The following MICU3 variants were observed in gnomAD, a reference collection of about 807,000 sequenced individuals.
The protein encoded by MICU3 is mitochondrial calcium uptake 3.
In MICU3, 62 loss-of-function variants were observed where a neutral mutation model predicts 66.5. The observed-to-expected ratio is 0.93, with a 90% CI of 0.76 to 1.15. MICU3 has a LOEUF of 1.15. MICU3 is among the 50% of genes most tolerant of loss of function. MICU3 has a pLI of 0.00. For synonymous variants in MICU3, 308 were observed against 240.7 expected (o/e 1.28, Z -2.59); for missense variants, 779 against 664.4 (o/e 1.17, Z -1.90).
chr8:17,042,537 G>C (rs371715240), intron 1 of MICU3, among the ~76,000 whole-genome samples: 12 of 152,210 alleles, frequency 7.9e-5, no homozygotes, highest in Admixed American at 2.6e-4. Flanking sequence ...TTTATTCTCT[G>C]ATGTATTGAT....
chr8:17,048,563 A>G (rs1815503077), intron 1 of MICU3, among the ~76,000 whole-genome samples: 1 of 152,172 alleles, frequency 6.6e-6, no homozygotes, highest in Non-Finnish European at 1.5e-5. Context: ...TATGGGAGCT[A>G]CAATTCAAGA....
intron 11 of MICU3, among the ~76,000 whole-genome samples, chr8:17,110,495 A>G (rs1207274247): frequency 6.6e-6 from 1 of 151,918 alleles, no homozygotes; most frequent in Non-Finnish European, 1.5e-5. Flanking sequence ...CTAATATTTA[A>G]TTTCAGTGGA....
At chr8:17,047,438 G>C (rs1815275550) in intron 1 of MICU3, among the ~76,000 whole-genome samples, 1 of 152,148 alleles carries the variant, frequency 6.6e-6, no homozygotes, top group Non-Finnish European at 1.5e-5. Context: ...AATGAGAAAG[G>C]CAGTATCCCA....
chr8:17,085,356 A>G, intron 6 of MICU3, 38 bp downstream of exon 6: 1 of 1,282,744 alleles, frequency 7.8e-7, no homozygotes, highest in African/African-American at 1.5e-5. Flanking sequence ...CAATAATTAA[A>G]TATTGCTTAC....
In MICU3 at chr8:17,064,078, C is replaced by G. The variant is rs1361832186; in HGVS notation, c.382-6C>G. The G allele has an allele frequency of 2.5e-6, 4 of 1,605,246 alleles. No individual in the cohort carries two copies. Among genetic ancestry groups the G allele is most frequent in the Non-Finnish European group, 3.4e-6 (4 of 1,175,672 alleles). ...CATCCAAATGTATTTGCTTTCTTAA[C>G]TTTAGGTTGCTATTGGCAGAACAGA... On this transcript the variant is annotated splice_region_variant and splice_polypyrimidine_tract_variant and intron_variant, in intron 1 of 14. Transcript: ENST00000318063.
chr8:17,059,087 T>G (rs2689649), intron 1 of MICU3, among the ~76,000 whole-genome samples: 1 of 152,234 alleles, frequency 6.6e-6, no homozygotes, highest in Non-Finnish European at 1.5e-5. Context: ...TGTCATTTGT[T>G]GACATTAAAT....
intron 9 of MICU3, among the ~76,000 whole-genome samples, chr8:17,099,831 C>T (rs1325962890): frequency 6.6e-6 from 1 of 151,734 alleles, no homozygotes; most frequent in Admixed American, 6.6e-5. Flanking sequence ...TCATTGTTGT[C>T]TCTCCCCATA....
chr8:17,059,514 A>G (rs1002173331), intron 1 of MICU3, among the ~76,000 whole-genome samples: 7 of 152,214 alleles, frequency 4.6e-5, no homozygotes, highest in Admixed American at 1.3e-4. Context: ...CACTCTAGCA[A>G]TAAGGCAACG....
intron 2 of MICU3, among the ~76,000 whole-genome samples, chr8:17,066,867 A>G (rs1286898687): frequency 2.6e-5 from 4 of 151,888 alleles, no homozygotes; most frequent in African/African-American, 4.8e-5. Context: ...ATTTTGAAAA[A>G]TTTTACTTCA....
At chr8:17,136,164 A>C in the MICU3 span, among the ~76,000 whole-genome samples, 1 of 152,094 alleles carries the variant, frequency 6.6e-6, no homozygotes, top group Non-Finnish European at 1.5e-5. Context: ...GTAGGCTGGA[A>C]TATGGTTACA....
At chr8:17,081,465 T>G (rs1261637075) in intron 4 of MICU3, among the ~76,000 whole-genome samples, 12 of 152,120 alleles carry the variant, frequency 7.9e-5, no homozygotes, top group African/African-American at 2.2e-4. Flanking sequence ...TTGCTTTTTT[T>G]GCCAATATAT....
rs148788723 is a variant in MICU3 at position 17,064,164 on chromosome 8, T to C, written c.462T>C (p.Ser154=). The part of the protein sequence containing the change: ...SRERRFRLFA[S]IECEGQLFMT... ...AGAGGCGATTTCGTTTATTTGCTTC[T>C]ATAGAATGTGAAGGGCAGTTATTCA... is the stretch of plus-strand genomic sequence containing the variant. The change falls in exon 2 of 15, where the codon TCT becomes TCC. Residue 154 remains serine (S), a synonymous_variant. Transcript: ENST00000318063. 9.3e-6 allele frequency: 15 copies of C among 1,613,466 alleles called. No individual in the cohort carries two copies. In the Admixed American group the frequency reaches 1.8e-4, roughly 20 times the overall value.
the MICU3 span, among the ~76,000 whole-genome samples, chr8:17,135,395 CAAA>C: frequency 7.8e-6 from 1 of 128,468 alleles, no homozygotes; most frequent in African/African-American, 2.9e-5. Context: ...AAGACTGTCT[CAAA>C]AAAAAAAAAA....
chr8:17,103,450 A>C (rs1481654745), intron 9 of MICU3, among the ~76,000 whole-genome samples: 1 of 151,920 alleles, frequency 6.6e-6, no homozygotes, highest in Non-Finnish European at 1.5e-5. Context: ...ATTTTTCTTG[A>C]ATAAAAAATA....
chr8:17,093,844 T>G (rs909340900), intron 8 of MICU3, among the ~76,000 whole-genome samples: 1 of 151,964 alleles, frequency 6.6e-6, no homozygotes, highest in African/African-American at 2.4e-5. Context: ...TGATGAAGCT[T>G]TCCCTGATTT....
chr8:17,061,022 G>A (rs1563311997), intron 1 of MICU3, among the ~76,000 whole-genome samples: 1 of 152,096 alleles, frequency 6.6e-6, no homozygotes, highest in Admixed American at 6.6e-5. Context: ...CCTTACTTAG[G>A]TGGTTAAAGA....
At position 17,027,434 on chromosome 8, in the gene MICU3, C is replaced by T; in HGVS notation, c.155C>T (p.Ala52Val). The T allele has an allele frequency of 7.6e-7, 1 of 1,323,248 alleles. No homozygotes were observed. Among genetic ancestry groups the T allele is most frequent in the Non-Finnish European group, 9.6e-7 (1 of 1,041,714 alleles). The allele number at this position is 1,323,248 out of a possible 1,614,324, so 82.0% of individuals were successfully genotyped here. The change falls in exon 1 of 15, where the codon GCT becomes GTT. Residue 52 changes from alanine (A) to valine (V), a missense_variant. Coordinates refer to ENST00000318063, the MANE Select transcript of MICU3 (RefSeq NM_181723.3). ...TCCTCCCGAGAGGATGAGGAGAGGG[C>T]TGTGGCGGAGGCGGCATGGAGGCGG... Reference protein sequence around the residue: ...PFSSREDEERAVAEAAWRRRR... With the variant: ...PFSSREDEERVVAEAAWRRRR...
chr8:17,055,128 G>A (rs1403286858), intron 1 of MICU3, among the ~76,000 whole-genome samples: 1 of 152,186 alleles, frequency 6.6e-6, no homozygotes, highest in Non-Finnish European at 1.5e-5. Flanking sequence ...GCCAGGCAGA[G>A]TACAACTGCA....
chr8:17,037,201 T>A (rs1187504799), intron 1 of MICU3, among the ~76,000 whole-genome samples: 4 of 152,084 alleles, frequency 2.6e-5, no homozygotes, highest in Non-Finnish European at 5.9e-5. Context: ...CGCCTCTCCC[T>A]CCATACCTCC....
Sources: gnomAD v4.1 joint callset for allele counts (sites outside exome capture counted in the v4.1 genomes callset) on GRCh38, gnomAD v4.1.1 for gene constraint, MANE v1.5 for transcripts, NCBI Gene and HGNC (gene_info 2026-07-23, HGNC 2026-07-21) for gene names.